The following SEMA3D variants were observed in gnomAD, a reference collection of about 807,000 sequenced individuals.
SEMA3D encodes the protein semaphorin-3D.
A neutral mutation model predicts 100.1 loss-of-function variants in SEMA3D; 84 were observed. The ratio of observed to expected loss-of-function variants is 0.84; its 90% CI spans 0.70 to 1.01. SEMA3D has a LOEUF of 1.01. Among genes scored for constraint, SEMA3D ranks in the 50% least tolerant of loss-of-function variants. SEMA3D has a pLI of 0.00. For missense variants in SEMA3D, 875 were observed against 934.1 expected (o/e 0.94, Z 0.82); for synonymous variants, 312 against 320.7 (o/e 0.97, Z 0.29).
At chr7:85,067,805 T>G (rs1455580506) in intron 7 of SEMA3D, among the ~76,000 whole-genome samples, 1 of 152,192 alleles carries the variant, frequency 6.6e-6, no homozygotes, top group African/African-American at 2.4e-5. Context: ...ATAGCTTGAT[T>G]AATTTGGTTT....
intron 1 of SEMA3D, among the ~76,000 whole-genome samples, chr7:85,174,970 A>G (rs1334777433): frequency 6.6e-6 from 1 of 152,112 alleles, no homozygotes; most frequent in Non-Finnish European, 1.5e-5. Flanking sequence ...CTATCAAAGC[A>G]CACATATACT....
intron 1 of SEMA3D, among the ~76,000 whole-genome samples, chr7:85,165,061 G>T (rs529494541): frequency 1.3e-4 from 18 of 138,288 alleles, no homozygotes; most frequent in African/African-American, 4.8e-4. Flanking sequence ...TGTTCTCATT[G>T]TTCAATTCCC....
chr7:85,023,370 T>C (rs957549904), intron 12 of SEMA3D, among the ~76,000 whole-genome samples: 5 of 150,760 alleles, frequency 3.3e-5, no homozygotes, highest in South Asian at 2.1e-4. Context: ...TAATTAGACT[T>C]TTTTTTTCCA....
At chr7:85,126,761 A>G (rs1243906415) in intron 2 of SEMA3D, among the ~76,000 whole-genome samples, 1 of 152,114 alleles carries the variant, frequency 6.6e-6, no homozygotes, top group Non-Finnish European at 1.5e-5. Context: ...AAAAAACTCG[A>G]AAGCCAAAGG....
Position 85,015,084 on chromosome 7 carries a change from A to G in SEMA3D, c.1678T>C (p.Ser560Pro). 2 of 1,611,548 alleles carry G rather than the reference A, an allele frequency of 1.2e-6. No homozygotes were observed. Among genetic ancestry groups the G allele is most frequent in the Non-Finnish European group, 1.7e-6 (2 of 1,178,384 alleles). Residue 560 changes from serine to proline, a missense_variant, in exon 16 of 19, where the codon TCT becomes CCT. Transcript: ENST00000284136. ...CTTTTAGAAGTAGGAGCATATCGAGAGCATGCATTTCCATCCCAGGCACAG... is the reference window on the plus strand; with the variant it reads ...CTTTTAGAAGTAGGAGCATATCGAGGGCATGCATTTCCATCCCAGGCACAG... The part of the protein sequence containing the change: ...PYCAWDGNAC[S>P]RYAPTSKRRA...
the SEMA3D span, among the ~76,000 whole-genome samples, chr7:85,222,400 ATAC>A: frequency 6.6e-6 from 1 of 152,144 alleles, no homozygotes; most frequent in Non-Finnish European, 1.5e-5. Flanking sequence ...ATAAAACACT[ATAC>A]ATATATTACA....
At chr7:85,059,088 C>A (rs1791405403) in intron 8 of SEMA3D, among the ~76,000 whole-genome samples, 1 of 152,114 alleles carries the variant, frequency 6.6e-6, no homozygotes, top group South Asian at 2.1e-4. Flanking sequence ...CCCACAAACA[C>A]AGACCAGGGA....
chr7:85,136,198 C>A (rs181045639), intron 2 of SEMA3D, among the ~76,000 whole-genome samples: 47 of 152,198 alleles, frequency 3.1e-4, no homozygotes, highest in Non-Finnish European at 5.7e-4. Flanking sequence ...GCAACGAATT[C>A]TTGATTATAA....
chr7:85,211,873 A>G, the SEMA3D span, among the ~76,000 whole-genome samples: 3 of 152,094 alleles, frequency 2.0e-5, no homozygotes, highest in Admixed American at 6.6e-5. Context: ...AGCTTATTTT[A>G]TTATAGGAAT....
chr7:85,103,381 T>G (rs1033569012), intron 3 of SEMA3D, among the ~76,000 whole-genome samples: 7 of 152,062 alleles, frequency 4.6e-5, no homozygotes, highest in Non-Finnish European at 1.0e-4. Context: ...AACTGGAAAT[T>G]CTTGGGCATG....
chr7:85,170,859 A>C lies in SEMA3D; in HGVS notation c.-173+15819T>G, dbSNP rs144478108. On this transcript the variant is annotated intron_variant, in intron 1 of 18. Coordinates refer to ENST00000284136, the MANE Select transcript of SEMA3D (RefSeq NM_001384900.1). Reference sequence around the variant, plus strand: ...TTCTGCAACCAATAGAACATGCTTAATATATACTGGTGAGAAGACATCAAA... The same window carrying C: ...TTCTGCAACCAATAGAACATGCTTACTATATACTGGTGAGAAGACATCAAA... Among the ~76,000 whole-genome samples, 13 of 152,134 alleles carry C rather than the reference A, an allele frequency of 8.5e-5. No individual in the cohort carries two copies. In the East Asian group the frequency reaches 2.5e-3, roughly 29 times the overall value.
intron 18 of SEMA3D, among the ~76,000 whole-genome samples, chr7:85,003,159 G>A (rs1789699420): frequency 1.3e-5 from 2 of 152,146 alleles, no homozygotes; most frequent in Middle Eastern, 3.4e-3. Flanking sequence ...TTGGAAGAAA[G>A]GAAAATGAAC....
At chr7:85,058,134 T>G (rs1337669904) in intron 8 of SEMA3D, among the ~76,000 whole-genome samples, 1 of 152,156 alleles carries the variant, frequency 6.6e-6, no homozygotes, top group African/African-American at 2.4e-5. Flanking sequence ...TTTCCTGTTT[T>G]CTTTTGTTTG....
intron 17 of SEMA3D, among the ~76,000 whole-genome samples, chr7:85,011,325 C>T (rs1257267843): frequency 6.6e-6 from 1 of 151,730 alleles, no homozygotes; most frequent in East Asian, 1.9e-4. Context: ...TTGCCGGTGA[C>T]CTTGACAAGA....
chr7:85,161,174 T>G (rs1790735952), intron 1 of SEMA3D, among the ~76,000 whole-genome samples: 1 of 152,186 alleles, frequency 6.6e-6, no homozygotes, highest in South Asian at 2.1e-4. Context: ...TAGCTTTATC[T>G]TCCATGTTTT....
chr7:85,056,847 C>G (rs956003725), intron 8 of SEMA3D, among the ~76,000 whole-genome samples: 1 of 147,002 alleles, frequency 6.8e-6, no homozygotes, highest in Non-Finnish European at 1.5e-5. Flanking sequence ...CTCCTCCCAC[C>G]TCATTGATGT....
In SEMA3D at chr7:85,055,846, A is replaced by G. The variant is rs556375076; in HGVS notation, c.732T>C (p.Ile244=). ...EHYWLNGAKF[I]GTFFIPDTYN... ...AGGTGTCTGGTATGAAGAAAGTTCC[A>G]ATAAATTTTGCTCCTGTTTGAAAGA... Residue 244 remains isoleucine, a synonymous_variant, in exon 9 of 19, where the codon ATT becomes ATC. Coordinates refer to ENST00000284136, the MANE Select transcript of SEMA3D (RefSeq NM_001384900.1). The G allele has an allele frequency of 6.4e-7, 1 of 1,558,436 alleles. No individual in the cohort carries two copies. The highest frequency in any genetic ancestry group is 1.4e-5 in the African/African-American group (1 of 72,928).
chr7:85,124,635 A>G (rs1289682725), intron 2 of SEMA3D, among the ~76,000 whole-genome samples: 1 of 152,134 alleles, frequency 6.6e-6, no homozygotes, highest in Non-Finnish European at 1.5e-5. Context: ...TGGAGGACAG[A>G]GAAAAGAGAC....
the SEMA3D span, among the ~76,000 whole-genome samples, chr7:85,247,042 G>T: frequency 2.0e-5 from 3 of 151,968 alleles, no homozygotes; most frequent in Non-Finnish European, 4.4e-5. Context: ...TATCAATACA[G>T]TGGTGGCCTC....
Sources: gnomAD v4.1 joint callset for allele counts (sites outside exome capture counted in the v4.1 genomes callset) on GRCh38, gnomAD v4.1.1 for gene constraint, MANE v1.5 for transcripts, NCBI Gene and HGNC (gene_info 2026-07-23, HGNC 2026-07-21) for gene names.